PHACTR3: variants seen among roughly 807,000 people sequenced by gnomAD.
PHACTR3 encodes phosphatase and actin regulator 3.
A neutral mutation model predicts 66.8 loss-of-function variants in PHACTR3; 16 were observed. The ratio of observed to expected loss-of-function variants is 0.24; its 90% CI spans 0.16 to 0.36. The LOEUF (loss-of-function observed/expected upper bound fraction) is 0.36, where lower values mean the gene tolerates loss of function less well. PHACTR3 is among the 10% of genes least tolerant of loss of function. The pLI is 1.00. For synonymous variants in PHACTR3, 323 were observed against 292.1 expected (o/e 1.11, Z -1.08); for missense variants, 647 against 719.9 (o/e 0.90, Z 1.16).
At chr20:59,677,451 G>A (rs191591712) in intron 1 of PHACTR3, among the ~76,000 whole-genome samples, 1 of 152,310 alleles carries the variant, frequency 6.6e-6, no homozygotes, top group East Asian at 1.9e-4. Context: ...TGCAAGTGAA[G>A]TTGGATGTCT....
At chr20:59,652,837 GA>G (rs893395548) in intron 1 of PHACTR3, among the ~76,000 whole-genome samples, 4 of 150,676 alleles carry the variant, frequency 2.7e-5, no homozygotes, top group Admixed American at 6.6e-5. Context: ...ATCATTGAGT[GA>G]AAAAAAAATC....
At chr20:59,752,273 G>T (rs2039623069) in intron 3 of PHACTR3, among the ~76,000 whole-genome samples, 1 of 152,222 alleles carries the variant, frequency 6.6e-6, no homozygotes, top group Non-Finnish European at 1.5e-5. Context: ...GTGTGTGCCT[G>T]CGTGTGCATC....
chr20:59,743,062 A>G, intron 1 of PHACTR3, 45 bp from the exon 2 acceptor site: 1 of 1,588,202 alleles, frequency 6.3e-7, no homozygotes, highest in South Asian at 1.1e-5. Context: ...GGAGTCACAT[A>G]GGTTTGGTGG....
intron 1 of PHACTR3, among the ~76,000 whole-genome samples, chr20:59,694,558 T>G (rs942310316): frequency 2.7e-5 from 4 of 150,780 alleles, no homozygotes; most frequent in Non-Finnish European, 4.4e-5. Flanking sequence ...AGGTAAACAG[T>G]TGGGAAAGAA....
At chr20:59,663,256 C>T (rs1227619041) in intron 1 of PHACTR3, among the ~76,000 whole-genome samples, 1 of 152,198 alleles carries the variant, frequency 6.6e-6, no homozygotes, top group Non-Finnish European at 1.5e-5. Flanking sequence ...TACTTCTAGG[C>T]AAGGTTCTGG....
chr20:59,585,578 A>C (rs1254752976), intron 1 of PHACTR3, among the ~76,000 whole-genome samples: 2 of 152,146 alleles, frequency 1.3e-5, no homozygotes, highest in African/African-American at 2.4e-5. Context: ...CATCTGCTCC[A>C]CCAAAGGTAA....
At chr20:59,693,406 AG>A in intron 1 of PHACTR3, among the ~76,000 whole-genome samples, 1 of 152,156 alleles carries the variant, frequency 6.6e-6, no homozygotes, top group East Asian at 1.9e-4. Context: ...GTAAACATTT[AG>A]GTTTCTAAGA....
At chr20:59,791,682 C>T (rs2041102177) in intron 7 of PHACTR3, among the ~76,000 whole-genome samples, 1 of 151,446 alleles carries the variant, frequency 6.6e-6, no homozygotes, top group East Asian at 1.9e-4. Context: ...TGGTGTGCTG[C>T]ACCCATTAAC....
At chr20:59,766,245 C>T (rs76530415) in intron 4 of PHACTR3, among the ~76,000 whole-genome samples, 51 of 152,162 alleles carry the variant, frequency 3.4e-4, no homozygotes, top group Non-Finnish European at 3.2e-4. Flanking sequence ...GGAGGAAGCT[C>T]CTGGCCACGG....
At chr20:59,666,829 A>G (rs984903882) in intron 1 of PHACTR3, among the ~76,000 whole-genome samples, 1 of 152,240 alleles carries the variant, frequency 6.6e-6, no homozygotes, top group Non-Finnish European at 1.5e-5. Flanking sequence ...TGAGATCCAG[A>G]GAAGTCCCAT....
intron 1 of PHACTR3, among the ~76,000 whole-genome samples, chr20:59,668,271 T>G (rs1158443536): frequency 6.6e-6 from 1 of 151,792 alleles, no homozygotes; most frequent in Non-Finnish European, 1.5e-5. Context: ...GGGTTAGAGG[T>G]GGGCACGTAC....
intron 1 of PHACTR3, among the ~76,000 whole-genome samples, chr20:59,727,727 A>G (rs1601202601): frequency 6.6e-6 from 1 of 152,162 alleles, no homozygotes; most frequent in African/African-American, 2.4e-5. Context: ...TGAAATTCGA[A>G]ACTTTTTTAG....
At chr20:59,628,878 A>G in intron 1 of PHACTR3, 1 of 946,750 alleles carries the variant, frequency 1.1e-6, no homozygotes, top group Non-Finnish European at 1.3e-6. Flanking sequence ...ACTTTTTTGA[A>G]ATAATTTTAG....
At chr20:59,767,902 A>C (rs982168588) in intron 5 of PHACTR3, among the ~76,000 whole-genome samples, 1 of 143,936 alleles carries the variant, frequency 6.9e-6, no homozygotes, top group Non-Finnish European at 1.5e-5. Context: ...CTGGATGCTC[A>C]TGTGTCTGTC....
chr20:59,831,851 C>G (rs748042034), intron 8 of PHACTR3, among the ~76,000 whole-genome samples: 5 of 152,230 alleles, frequency 3.3e-5, no homozygotes, highest in Non-Finnish European at 7.3e-5. Flanking sequence ...CTTGCCTGCG[C>G]CGGCTCTGGG....
At chr20:59,695,542 T>C (rs2037263480) in intron 1 of PHACTR3, among the ~76,000 whole-genome samples, 2 of 152,230 alleles carry the variant, frequency 1.3e-5, no homozygotes, top group Admixed American at 1.3e-4. Flanking sequence ...TAGTTCTTTA[T>C]AGCAATCCAA....
intron 1 of PHACTR3, chr20:59,676,891 T>G (rs564924299): frequency 5.9e-6 from 1 of 170,076 alleles, no homozygotes; most frequent in African/African-American, 5.1e-5. Flanking sequence ...ATGGCTTTTT[T>G]TTTTTGTTCT....
chr20:59,672,455 A>G (rs2036227112), intron 1 of PHACTR3, among the ~76,000 whole-genome samples: 1 of 152,122 alleles, frequency 6.6e-6, no homozygotes, highest in Non-Finnish European at 1.5e-5. Context: ...TGCAGCTCTG[A>G]TATTTGGGGA....
intron 9 of PHACTR3, among the ~76,000 whole-genome samples, chr20:59,839,323 TAAAAA>T (rs1009364892): frequency 6.6e-6 from 1 of 152,222 alleles, no homozygotes; most frequent in East Asian, 1.9e-4. Flanking sequence ...ATGACTCACT[TAAAAA>T]AAATTACTGG....
Sources: gnomAD v4.1 joint callset for allele counts (sites outside exome capture counted in the v4.1 genomes callset) on GRCh38, gnomAD v4.1.1 for gene constraint, MANE v1.5 for transcripts, NCBI Gene and HGNC (gene_info 2026-07-23, HGNC 2026-07-21) for gene names.